Variants in NFE2L3 observed in about 807,000 individuals in gnomAD.
NFE2L3 encodes the protein NFE2 like bZIP transcription factor 3, also known as nuclear factor erythroid 2-related factor 3.
In NFE2L3, 18 loss-of-function variants were observed where a neutral mutation model predicts 23.5. That is an observed-to-expected ratio of 0.77 (90% CI 0.53 to 1.13). NFE2L3 has a LOEUF of 1.13. Among genes scored for constraint, NFE2L3 ranks in the 50% most tolerant of loss-of-function variants. NFE2L3 has a pLI of 0.00. For missense variants in NFE2L3, 1,152 were observed against 877.2 expected (o/e 1.31, Z -3.96); for synonymous variants, 424 against 354.5 (o/e 1.20, Z -2.20).
chr7:26,184,573 G>C lies in NFE2L3; in HGVS notation c.875G>C (p.Ser292Thr). The C allele has an allele frequency of 6.2e-7, 1 of 1,613,740 alleles. No homozygotes were observed. Among genetic ancestry groups the C allele is most frequent in the Non-Finnish European group, 8.5e-7 (1 of 1,179,706 alleles). ...LGDIPLPGSI[S>T]DGMNSSAHYH... The stretch of plus-strand genomic sequence containing the variant: ...GATATTCCTCTTCCAGGCAGTATCA[G>C]TGATGGCATGAATTCTTCAGCACAT... Residue 292 changes from serine to threonine, a missense_variant, in exon 4 of 4, where the codon AGT becomes ACT. Physicochemically the swap from Ser to Thr is moderately conservative, Grantham distance 58. Transcript: ENST00000056233.
In NFE2L3 at chr7:26,186,677, A is replaced by G. The variant is rs1322152514; in HGVS notation, c.*894A>G. 6.6e-6 allele frequency: 1 copy of G among 152,200 alleles called. No homozygotes were observed. Among genetic ancestry groups the G allele is most frequent in the Non-Finnish European group, 1.5e-5 (1 of 68,034 alleles). The allele number at this position is 152,200 out of a possible 1,614,324, so 9.4% of individuals were successfully genotyped here. Reference sequence around the variant, plus strand: ...TGAAGGGATGGCCTCACCATCTTAGAATACTGAGATCTCACCAGAACACTG... The same window carrying G: ...TGAAGGGATGGCCTCACCATCTTAGGATACTGAGATCTCACCAGAACACTG... On this transcript the variant is annotated 3_prime_UTR_variant, in exon 4 of 4. Transcript: ENST00000056233.
At chr7:26,184,272 T>C in intron 3 of NFE2L3, 1 of 431,320 alleles carries the variant, frequency 2.3e-6, no homozygotes, top group Non-Finnish European at 4.1e-6. Context: ...GATTGTAACA[T>C]TAGACTTTTT....
rs963402593 is a variant in NFE2L3, at chr7:26,152,744, C to T, written c.246C>T (p.Asp82=). 27 of 1,470,874 alleles carry T rather than the reference C, an allele frequency of 1.8e-5. No individual in the cohort carries two copies. The highest frequency in any genetic ancestry group is 2.1e-5 in the Non-Finnish European group (24 of 1,119,162). The allele number at this position is 1,470,874 out of a possible 1,614,324, so 91.1% of individuals were successfully genotyped here. A position where few individuals can be genotyped will look rare whatever the true frequency, so the allele number is the denominator to read the frequency against. The change falls in exon 1 of 4, where the codon GAC becomes GAT. Residue 82 remains aspartate, a synonymous_variant. Transcript: ENST00000056233. This position sits in a 1 kb window ranked among gnomAD's most constrained non-coding sequence, Gnocchi z 4.4. ...GHLHPKGREL[D]PAAPPEGQLL... is the part of the protein sequence containing the mutation. ...TGCACCCCAAGGGCCGGGAGCTGGA[C>T]CCTGCCGCGCCGCCCGAGGGCCAGC...
intron 2 of NFE2L3, among the ~76,000 whole-genome samples, chr7:26,179,966 C>G (rs1189329991): frequency 6.6e-6 from 1 of 152,166 alleles, no homozygotes; most frequent in Non-Finnish European, 1.5e-5. Context: ...AAATGCATCT[C>G]CACTGCAGCT....
chr7:26,182,301 T>A (rs1353813046), intron 2 of NFE2L3, among the ~76,000 whole-genome samples: 2 of 132,354 alleles, frequency 1.5e-5, no homozygotes, highest in Non-Finnish European at 3.0e-5. Flanking sequence ...TTTTACCAGT[T>A]AACTCATCAT....
chr7:26,185,610 C>T lies in NFE2L3; in HGVS notation c.1912C>T (p.Leu638=). 6.2e-7 allele frequency: 1 copy of T among 1,613,834 alleles called. No individual in the cohort carries two copies. The highest frequency in any genetic ancestry group is 1.3e-5 in the African/African-American group (1 of 75,040). ...AGCTATTAACATAATGAAACAGAAACTGCATGACCTTTATCATGATATTTT... is the reference window on the plus strand; with the variant it reads ...AGCTATTAACATAATGAAACAGAAATTGCATGACCTTTATCATGATATTTT... ...NKAINIMKQK[L]HDLYHDIFSR... Residue 638 remains leucine (L), a synonymous_variant, in exon 4 of 4, where the codon CTG becomes TTG. Transcript: ENST00000056233.
At position 26,186,006 on chromosome 7, in the gene NFE2L3, T is replaced by G; in HGVS notation, c.*223T>G. The G allele has an allele frequency of 4.7e-6, 2 of 423,574 alleles. No individual in the cohort carries two copies. The highest frequency in any genetic ancestry group is 8.4e-6 in the Non-Finnish European group (2 of 238,918). The allele number at this position is 423,574 out of a possible 1,614,324, so 26.2% of individuals were successfully genotyped here. A position where few individuals can be genotyped will look rare whatever the true frequency, so the allele number is the denominator to read the frequency against. On this transcript the variant is annotated 3_prime_UTR_variant, in exon 4 of 4. Transcript: ENST00000056233. ...AGCCACAACTTTTCATGAAGTGCAT[T>G]GTATACAAAATTCATAGTTATGTCC...
rs1468173610 is a variant in NFE2L3, at chr7:26,185,465, A to G, written c.1767A>G (p.Lys589=). ...IRDIRRRGKN[K]VAAQNCRKRK... is the part of the protein sequence containing the mutation. ...ACATCAGACGAAGAGGGAAAAATAA[A>G]GTTGCTGCGCAGAACTGTCGTAAAC... The change falls in exon 4 of 4, where the codon AAA becomes AAG. Residue 589 remains lysine, a synonymous_variant. Coordinates refer to ENST00000056233, the MANE Select transcript of NFE2L3 (RefSeq NM_004289.7). The G allele has an allele frequency of 1.2e-6, 2 of 1,614,072 alleles. No individual in the cohort carries two copies. The highest frequency in any genetic ancestry group is 2.2e-5 in the South Asian group (2 of 91,068).
chr7:26,180,952 C>A (rs147034777), intron 2 of NFE2L3, among the ~76,000 whole-genome samples: 1 of 152,000 alleles, frequency 6.6e-6, no homozygotes, highest in African/African-American at 2.4e-5. Flanking sequence ...GTCACATCTT[C>A]GTGTACTTAA....
intron 1 of NFE2L3, among the ~76,000 whole-genome samples, chr7:26,161,905 G>T (rs1174970955): frequency 6.6e-6 from 1 of 152,114 alleles, no homozygotes; most frequent in Non-Finnish European, 1.5e-5. Context: ...CACTTTGGGA[G>T]GCCAAGACAG....
At position 26,185,583 on chromosome 7, in the gene NFE2L3, A is replaced by G. The variant is rs1048119309; in HGVS notation, c.1885A>G (p.Lys629Glu). The G allele has an allele frequency of 1.2e-6, 2 of 1,613,794 alleles. No individual in the cohort carries two copies. The highest frequency in any genetic ancestry group is 3.3e-5 in the Admixed American group (2 of 59,992). ...TAAGAGAGAGCAAGCACAATGTAAC[A>G]AAGCTATTAACATAATGAAACAGAA... ...TLKREQAQCN[K>E]AINIMKQKLH... The change falls in exon 4 of 4, where the codon AAA (lysine) becomes GAA (glutamate). Residue 629 changes from lysine to glutamate, a missense_variant. Coordinates refer to ENST00000056233, the MANE Select transcript of NFE2L3 (RefSeq NM_004289.7).
chr7:26,152,983 G>A lies in NFE2L3; in HGVS notation c.485G>A (p.Ser162Asn). ...GGCGGGGACCCCCGAGCGGCTCGGA[G>A]TGGCCCCTTGGACGCCGGGGAAGAG... ...GGGGDPRAAR[S>N]GPLDAGEEEK... The change falls in exon 1 of 4, where the codon AGT becomes AAT. Residue 162 changes from serine to asparagine, a missense_variant. Physicochemically the swap from Ser to Asn is conservative, Grantham distance 46. Coordinates refer to ENST00000056233, the MANE Select transcript of NFE2L3 (RefSeq NM_004289.7). This position sits in a 1 kb window ranked among gnomAD's most constrained non-coding sequence, Gnocchi z 4.4. The A allele has an allele frequency of 4.0e-6, 6 of 1,513,686 alleles. No individual in the cohort carries two copies. Among genetic ancestry groups the A allele is most frequent in the Non-Finnish European group, 5.3e-6 (6 of 1,136,780 alleles). 93.8% of individuals were successfully genotyped at this position (1,513,686 alleles called of 1,614,324 possible).
Position 26,184,600 on chromosome 7 carries a change from A to G in NFE2L3, c.902A>G (p.Tyr301Cys), listed in dbSNP as rs762198042. ...ISDGMNSSAH[Y>C]HVNFSQAISQ... is the part of the protein sequence containing the mutation. Reference sequence around the variant, plus strand: ...GATGGCATGAATTCTTCAGCACATTATCATGTAAACTTCAGCCAGGCTATA... The same window carrying G: ...GATGGCATGAATTCTTCAGCACATTGTCATGTAAACTTCAGCCAGGCTATA... Residue 301 changes from tyrosine to cysteine, a missense_variant, in exon 4 of 4, where the codon TAT (tyrosine) becomes TGT (cysteine). Physicochemically the swap from Tyr to Cys is radical, Grantham distance 194. Transcript: ENST00000056233. 1.9e-6 allele frequency: 3 copies of G among 1,613,906 alleles called. No homozygotes were observed. In the South Asian group the frequency reaches 3.3e-5, roughly 18 times the overall value.
intron 1 of NFE2L3, among the ~76,000 whole-genome samples, chr7:26,153,746 G>A (rs1436219294): frequency 1.3e-5 from 2 of 152,148 alleles, no homozygotes; most frequent in Non-Finnish European, 2.9e-5. Flanking sequence ...TGGTTTATGG[G>A]TCCAAACCCT....
chr7:26,182,809 ATTTT>A (rs561455010), intron 2 of NFE2L3, among the ~76,000 whole-genome samples: 12 of 152,244 alleles, frequency 7.9e-5, no homozygotes, highest in African/African-American at 2.6e-4. Flanking sequence ...CTGTAAAAAT[ATTTT>A]TTGAGACGAG....
chr7:26,173,310 A>T (rs752841170), intron 1 of NFE2L3, among the ~76,000 whole-genome samples: 1 of 152,130 alleles, frequency 6.6e-6, no homozygotes, highest in Non-Finnish European at 1.5e-5. Flanking sequence ...CAATTTCTCT[A>T]TGGGCTTGAT....
intron 1 of NFE2L3, among the ~76,000 whole-genome samples, chr7:26,160,349 T>G (rs1784149157): frequency 6.6e-6 from 1 of 152,028 alleles, no homozygotes; most frequent in Non-Finnish European, 1.5e-5. Flanking sequence ...GAGTTGCAGG[T>G]GGTGGTTGGC....
At chr7:26,174,171 A>G (rs1195685000) in intron 1 of NFE2L3, 1 of 152,240 alleles carries the variant, frequency 6.6e-6, no homozygotes, top group Non-Finnish European at 1.5e-5. Context: ...TCAGCAAAGC[A>G]GAAGTTCTTG....
intron 2 of NFE2L3, among the ~76,000 whole-genome samples, chr7:26,178,341 TTG>T (rs1270104492): frequency 6.6e-6 from 1 of 152,236 alleles, no homozygotes; most frequent in Non-Finnish European, 1.5e-5. Context: ...ACTCAAGATT[TTG>T]TGTGTATGTG....
Sources: allele counts gnomAD v4.1 joint callset (sites outside exome capture counted in the v4.1 genomes callset), GRCh38; gene constraint gnomAD v4.1.1; non-coding constraint Gnocchi (gnomAD v3.1); transcripts MANE v1.5; gene names NCBI Gene and HGNC (gene_info 2026-07-23, HGNC 2026-07-21).